P3H2: variants seen among roughly 807,000 people sequenced by gnomAD.
The protein encoded by P3H2 is leprecan-like 1.
A neutral mutation model predicts 87.0 loss-of-function variants in P3H2; 80 were observed. That is an observed-to-expected ratio of 0.92 (90% CI 0.77 to 1.11). The LOEUF (loss-of-function observed/expected upper bound fraction) is 1.11. P3H2 is among the 50% of genes least tolerant of loss of function. P3H2 has a pLI of 0.00. For missense variants in P3H2, 1,001 were observed against 923.9 expected, an observed-to-expected ratio of 1.08 and a Z score of -1.08; for synonymous variants, 367 against 359.3, an observed-to-expected ratio of 1.02 and a Z score of -0.24.
intron 1 of P3H2, among the ~76,000 whole-genome samples, chr3:190,105,316 C>T (rs1456561647): frequency 6.6e-6 from 1 of 152,204 alleles, no homozygotes; most frequent in African/African-American, 2.4e-5. Context: ...TGCTTCAATT[C>T]TTCAGTGCCA....
chr3:189,989,980 T>C (rs561424571), intron 3 of P3H2, among the ~76,000 whole-genome samples: 53 of 152,372 alleles, frequency 3.5e-4, no homozygotes, highest in Non-Finnish European at 5.9e-4. Context: ...GATTCATTCA[T>C]GGCTGCGCTG....
chr3:189,965,350 ATG>A (rs1722943082), intron 13 of P3H2, among the ~76,000 whole-genome samples: 1 of 152,066 alleles, frequency 6.6e-6, no homozygotes, highest in Admixed American at 6.6e-5. Context: ...GTGGGTGCAT[ATG>A]TGTTTATGTG....
intron 1 of P3H2, among the ~76,000 whole-genome samples, chr3:190,007,534 C>A (rs1295983836): frequency 6.6e-6 from 1 of 152,044 alleles, no homozygotes; most frequent in African/African-American, 2.4e-5. Flanking sequence ...CGAGCAAAGT[C>A]TTCACTTGAG....
intron 1 of P3H2, among the ~76,000 whole-genome samples, chr3:190,055,844 CT>C (rs1289683380): frequency 6.6e-6 from 1 of 152,244 alleles, no homozygotes; most frequent in African/African-American, 2.4e-5. Flanking sequence ...TAAAAAGAGC[CT>C]CTTTTTCCTT....
In P3H2 at chr3:190,036,086, T is replaced by C. The variant is rs374875878; in HGVS notation, c.481-40644A>G. On this transcript the variant is annotated intron_variant, in intron 1 of 14. Transcript: ENST00000319332. ...GTTTCCCATTTTGCCATATTCAGAATGAAATTTTTTCTTCTGAAAGTCTCA... is the reference window on the plus strand; with the variant it reads ...GTTTCCCATTTTGCCATATTCAGAACGAAATTTTTTCTTCTGAAAGTCTCA... Among the ~76,000 whole-genome samples the C allele has an allele frequency of 1.5e-3, 235 of 152,320 alleles. 2 individuals carry two copies. In the Middle Eastern group the frequency reaches 0.024, roughly 15 times the overall value.
rs756909810 is a variant in P3H2, at chr3:189,973,926, C to G, written c.1531G>C (p.Val511Leu). 1 of 1,613,606 alleles carries G rather than the reference C, an allele frequency of 6.2e-7. No homozygotes were observed. Among genetic ancestry groups the G allele is most frequent in the African/African-American group, 1.3e-5 (1 of 74,908 alleles). ...TPNEKFEGAT[V>L]LKALKSGYEG... Reference sequence around the variant, plus strand: ...GACTTTACTTTGAGTGCTTTCAGGACAGTTGCACCTTCAAACTTTTCATTG... The same window carrying G: ...GACTTTACTTTGAGTGCTTTCAGGAGAGTTGCACCTTCAAACTTTTCATTG... The change falls in exon 10 of 15, where the codon GTC (valine) becomes CTC (leucine). Residue 511 changes from valine to leucine, a missense_variant. Physicochemically the swap from Val to Leu is conservative, Grantham distance 32. Transcript: ENST00000319332.
chr3:189,985,912 T>C (rs971214099), intron 6 of P3H2, among the ~76,000 whole-genome samples: 1 of 152,148 alleles, frequency 6.6e-6, no homozygotes, highest in African/African-American at 2.4e-5. Flanking sequence ...AAATACCTTT[T>C]AAAGCTATAC....
At chr3:190,030,145 T>A (rs1221450249) in intron 1 of P3H2, among the ~76,000 whole-genome samples, 1 of 152,004 alleles carries the variant, frequency 6.6e-6, no homozygotes, top group Non-Finnish European at 1.5e-5. Flanking sequence ...TTTAAACATA[T>A]AATGAGAAAA....
At chr3:190,094,481 A>G (rs1002838114) in intron 1 of P3H2, among the ~76,000 whole-genome samples, 8 of 152,180 alleles carry the variant, frequency 5.3e-5, no homozygotes, top group African/African-American at 1.9e-4. Flanking sequence ...AGTGAACCAA[A>G]TTTAGCAGCC....
intron 13 of P3H2, among the ~76,000 whole-genome samples, chr3:189,968,708 C>T (rs1723076291): frequency 1.3e-5 from 2 of 152,202 alleles, no homozygotes; most frequent in Admixed American, 1.3e-4. Context: ...TACACTCCCA[C>T]CAACAGTATA....
intron 1 of P3H2, among the ~76,000 whole-genome samples, chr3:190,104,119 G>A (rs1711739314): frequency 6.6e-6 from 1 of 151,920 alleles, no homozygotes; most frequent in African/African-American, 2.4e-5. Flanking sequence ...GTAAAGTATT[G>A]GTAACAAAAC....
At chr3:190,094,169 T>C (rs967940967) in intron 1 of P3H2, among the ~76,000 whole-genome samples, 1 of 152,224 alleles carries the variant, frequency 6.6e-6, no homozygotes, top group Non-Finnish European at 1.5e-5. Context: ...GCTCTGTACA[T>C]TGCAAAGACA....
intron 1 of P3H2, among the ~76,000 whole-genome samples, chr3:190,108,456 T>A (rs1244487787): frequency 6.6e-6 from 1 of 152,204 alleles, no homozygotes; most frequent in Non-Finnish European, 1.5e-5. Context: ...AGAAAAACAC[T>A]GATTTAAACA....
At chr3:190,103,980 C>T (rs1012524937) in intron 1 of P3H2, among the ~76,000 whole-genome samples, 5 of 151,882 alleles carry the variant, frequency 3.3e-5, no homozygotes, top group African/African-American at 4.8e-5. Flanking sequence ...TTAGTAGAGA[C>T]GGGACTTCAC....
intron 9 of P3H2, 125 bp from the exon 10 acceptor site, chr3:189,974,129 C>T: frequency 1.3e-6 from 1 of 786,640 alleles, no homozygotes; most frequent in Non-Finnish European, 2.3e-6. Context: ...CATTTTATTC[C>T]AGGATGCTGG....
At chr3:190,053,321 T>A (rs1726041947) in intron 1 of P3H2, among the ~76,000 whole-genome samples, 1 of 152,206 alleles carries the variant, frequency 6.6e-6, no homozygotes, top group Admixed American at 6.5e-5. Context: ...ATTGTAAAAT[T>A]GGATTTTCTT....
chr3:190,011,761 G>C (rs1724597162), intron 1 of P3H2, among the ~76,000 whole-genome samples: 1 of 152,092 alleles, frequency 6.6e-6, no homozygotes, highest in South Asian at 2.1e-4. Context: ...ATATGGTAGA[G>C]TATTATATGC....
rs549252261 is a variant in P3H2, at chr3:189,994,917, C to T, written c.633+373G>A. ...ACAGTATAATCCTGAACAATTTACA[C>T]TGGCCTCACCTCCTAGGTATAAAAT... On this transcript the variant is annotated intron_variant, in intron 2 of 14. Transcript: ENST00000319332. Among the ~76,000 whole-genome samples the T allele has an allele frequency of 1.6e-3, 245 of 152,184 alleles. 1 individual carries two copies. Among genetic ancestry groups the T allele is most frequent in the African/African-American group, 5.6e-3 (231 of 41,542 alleles).
chr3:190,103,905 C>T (rs1007965132), intron 1 of P3H2, among the ~76,000 whole-genome samples: 1 of 152,022 alleles, frequency 6.6e-6, no homozygotes, highest in Admixed American at 6.6e-5. Context: ...GATTCTCGTG[C>T]CTCAGCCTCC....
Sources: allele counts gnomAD v4.1 joint callset (sites outside exome capture counted in the v4.1 genomes callset), GRCh38; gene constraint gnomAD v4.1.1; transcripts MANE v1.5; gene names NCBI Gene and HGNC (gene_info 2026-07-23, HGNC 2026-07-21).